Variants in FAM124A observed in about 807,000 individuals in gnomAD.
FAM124A encodes family with sequence similarity 124 member A.
A neutral mutation model predicts 24.5 loss-of-function variants in FAM124A; 23 were observed. The observed-to-expected ratio is 0.94, with a 90% CI of 0.68 to 1.33. The LOEUF is 1.33. FAM124A is among the 40% of genes most tolerant of loss of function. FAM124A has a pLI of 0.00. For missense variants in FAM124A, 623 were observed against 722.8 expected (o/e 0.86, Z 1.58); for synonymous variants, 287 against 314.7 (o/e 0.91, Z 0.93).
intron 3 of FAM124A, among the ~76,000 whole-genome samples, chr13:51,273,534 A>T (rs925661910): frequency 2.0e-5 from 3 of 152,262 alleles, no homozygotes; most frequent in South Asian, 2.1e-4. Flanking sequence ...CAGCCTCCTG[A>T]GTAGCTGGGA....
chr13:51,222,706 CTCT>C, intron 1 of FAM124A, 137 bp downstream of exon 1: 1 of 925,770 alleles, frequency 1.1e-6, no homozygotes, highest in Non-Finnish European at 1.4e-6. Flanking sequence ...ATCCCCCGCT[CTCT>C]CCTGGGCGGG....
At chr13:51,232,301 A>ACT (rs1954386148) in intron 2 of FAM124A, among the ~76,000 whole-genome samples, 2 of 129,258 alleles carry the variant, frequency 1.5e-5, no homozygotes, top group Admixed American at 1.6e-4. Flanking sequence ...GATTGATTGA[A>ACT]TACTTATTTT....
chr13:51,247,444 T>C (rs1954575593), intron 2 of FAM124A, among the ~76,000 whole-genome samples: 1 of 152,148 alleles, frequency 6.6e-6, no homozygotes, highest in Admixed American at 6.5e-5. Context: ...GTTGTAAGGA[T>C]TAAATGAGTT....
chr13:51,247,466 A>G (rs1177044952), intron 2 of FAM124A, among the ~76,000 whole-genome samples: 2 of 152,174 alleles, frequency 1.3e-5, no homozygotes, highest in Non-Finnish European at 2.9e-5. Flanking sequence ...ATACATGTAG[A>G]ACATGGAGAA....
intron 1 of FAM124A, among the ~76,000 whole-genome samples, chr13:51,229,411 C>A (rs1954350601): frequency 6.6e-6 from 1 of 152,148 alleles, no homozygotes; most frequent in Non-Finnish European, 1.5e-5. Context: ...CATAGAGGGG[C>A]ATCAGTTATG....
intron 1 of FAM124A, among the ~76,000 whole-genome samples, chr13:51,228,749 T>G (rs1053486670): frequency 2.0e-5 from 3 of 152,226 alleles, no homozygotes; most frequent in Non-Finnish European, 4.4e-5. Flanking sequence ...CTAACCGTAT[T>G]TCTAGTAAAT....
chr13:51,249,381 GC>G (rs1269099476), intron 2 of FAM124A, among the ~76,000 whole-genome samples: 8 of 152,170 alleles, frequency 5.3e-5, no homozygotes, highest in Non-Finnish European at 1.2e-4. Context: ...GATTCCACTT[GC>G]CATTCTACTC....
chr13:51,231,139 A>G (rs1461470683), intron 1 of FAM124A, among the ~76,000 whole-genome samples: 1 of 152,246 alleles, frequency 6.6e-6, no homozygotes, highest in Non-Finnish European at 1.5e-5. Flanking sequence ...CTCACATGAG[A>G]GCCCCCAGAA....
chr13:51,266,125 T>C (rs1566172858), intron 3 of FAM124A, among the ~76,000 whole-genome samples: 1 of 152,328 alleles, frequency 6.6e-6, no homozygotes, highest in Admixed American at 6.5e-5. Context: ...ATAATAAACA[T>C]TGGAGAAAAG....
At chr13:51,225,754 C>G (rs187385331) in intron 1 of FAM124A, among the ~76,000 whole-genome samples, 32 of 152,000 alleles carry the variant, frequency 2.1e-4, no homozygotes, top group African/African-American at 7.0e-4. Context: ...TAGAGTGGCT[C>G]TAGAAGGCAG....
chr13:51,273,565 G>A (rs935680903), intron 3 of FAM124A, among the ~76,000 whole-genome samples: 8 of 150,846 alleles, frequency 5.3e-5, no homozygotes, highest in Non-Finnish European at 7.4e-5. Flanking sequence ...GTAACATTGC[G>A]TTGGCTTAAT....
chr13:51,240,845 C>T (rs181473237), intron 2 of FAM124A, among the ~76,000 whole-genome samples: 155 of 152,356 alleles, frequency 1.0e-3, no homozygotes, highest in African/African-American at 3.6e-3. Context: ...CCAATGCCTG[C>T]AGGGCTCAGC....
rs968317925 is a variant in FAM124A, at chr13:51,245,307, T to C, written c.101-6161T>C. 24 of 667,644 alleles carry C rather than the reference T, an allele frequency of 3.6e-5. No individual in the cohort carries two copies. The African/African-American group carries it at 4.2e-4, about 12-fold the overall frequency. 41.4% of individuals were successfully genotyped at this position (667,644 alleles called of 1,614,324 possible). On this transcript the variant is annotated intron_variant, in intron 2 of 3. Coordinates refer to ENST00000322475, the MANE Select transcript of FAM124A (RefSeq NM_001242312.2). ...CGCCCCCCACTTTAATCTTTTATTA[T>C]GCAGATGGATTCTCCACCTGGCGGA...
Position 51,252,112 on chromosome 13 carries a change from C to T in FAM124A, c.745C>T (p.Leu249Phe). Reference protein sequence around the residue: ...LEFRVRDIGELVPLLPNPCSP... With the variant: ...LEFRVRDIGEFVPLLPNPCSP... ...GTTCCGAGTGAGGGACATAGGCGAG[C>T]TCGTGCCTCTCCTGCCCAACCCTTG... The change falls in exon 3 of 4, where the codon CTC (leucine) becomes TTC (phenylalanine). Residue 249 changes from leucine (L) to phenylalanine (F), a missense_variant. Transcript: ENST00000322475. 4 of 1,614,080 alleles carry T rather than the reference C, an allele frequency of 2.5e-6. No homozygotes were observed. Among genetic ancestry groups the T allele is most frequent in the Non-Finnish European group, 3.4e-6 (4 of 1,180,042 alleles).
intron 2 of FAM124A, among the ~76,000 whole-genome samples, chr13:51,241,799 A>C (rs1869506227): frequency 6.6e-6 from 1 of 151,932 alleles, no homozygotes; most frequent in Non-Finnish European, 1.5e-5. Context: ...TCGTTTGATC[A>C]TGAGCAAAGC....
chr13:51,282,797 G>C lies in FAM124A; in HGVS notation c.*1541G>C, dbSNP rs1954952277. Reference sequence around the variant, plus strand: ...ATGACAGCCTTAGGCCTTGCCCCAAGCATTCTGGACTCTCTAACACTCAGA... The same window carrying C: ...ATGACAGCCTTAGGCCTTGCCCCAACCATTCTGGACTCTCTAACACTCAGA... On this transcript the variant is annotated 3_prime_UTR_variant, in exon 4 of 4. Coordinates refer to ENST00000322475, the MANE Select transcript of FAM124A (RefSeq NM_001242312.2). 1 of 152,180 alleles carries C rather than the reference G, an allele frequency of 6.6e-6. No homozygotes were observed. The allele number at this position is 152,180 out of a possible 1,614,324, so 9.4% of individuals were successfully genotyped here.
intron 2 of FAM124A, among the ~76,000 whole-genome samples, chr13:51,231,652 GC>G (rs768913887): frequency 4.6e-5 from 7 of 152,212 alleles, no homozygotes; most frequent in Non-Finnish European, 8.8e-5. Context: ...ATCTGAGGTA[GC>G]GCTTTCATTG....
chr13:51,233,704 A>G (rs1954403967), intron 2 of FAM124A, among the ~76,000 whole-genome samples: 1 of 152,216 alleles, frequency 6.6e-6, no homozygotes, highest in Non-Finnish European at 1.5e-5. Flanking sequence ...AGAGTAACAT[A>G]GTTGACTTTC....
chr13:51,223,009 G>C (rs1231539698), intron 1 of FAM124A, among the ~76,000 whole-genome samples: 2 of 152,186 alleles, frequency 1.3e-5, no homozygotes, highest in Admixed American at 1.3e-4. Context: ...AAGTCGGCTA[G>C]GAGGATGGCA....
Sources: gnomAD v4.1 joint callset for allele counts (sites outside exome capture counted in the v4.1 genomes callset) on GRCh38, gnomAD v4.1.1 for gene constraint, MANE v1.5 for transcripts, NCBI Gene and HGNC (gene_info 2026-07-23, HGNC 2026-07-21) for gene names.